Variants in ELMO1 observed in about 807,000 individuals in gnomAD.
The protein encoded by ELMO1 is engulfment and cell motility 1.
In ELMO1, 26 loss-of-function variants were observed where a neutral mutation model predicts 98.9. That is an observed-to-expected ratio of 0.26 (90% CI 0.19 to 0.36). The LOEUF (loss-of-function observed/expected upper bound fraction) is 0.36. Ranked by LOEUF, ELMO1 falls within the 10% of genes least tolerant of loss-of-function variation. The pLI is 1.00. For synonymous variants in ELMO1, 346 were observed against 346.0 expected (o/e 1.00, Z 0.00); for missense variants, 627 against 935.2 (o/e 0.67, Z 4.30).
intron 15 of ELMO1, among the ~76,000 whole-genome samples, chr7:37,038,306 C>A (rs1040793767): frequency 6.6e-6 from 1 of 152,174 alleles, no homozygotes; most frequent in Non-Finnish European, 1.5e-5. Context: ...CTGAACTCAG[C>A]CCCACCTTCA....
intron 16 of ELMO1, among the ~76,000 whole-genome samples, chr7:36,903,553 A>G (rs2129060509): frequency 6.6e-6 from 1 of 152,338 alleles, no homozygotes; most frequent in East Asian, 1.9e-4. Context: ...TGTATAATAC[A>G]ATTCACAGGA....
chr7:37,346,767 C>A (rs1291463760), intron 1 of ELMO1, among the ~76,000 whole-genome samples: 1 of 152,156 alleles, frequency 6.6e-6, no homozygotes, highest in Non-Finnish European at 1.5e-5. Context: ...ATTTTAAGTA[C>A]CTTGCCCCCA....
At chr7:37,325,764 G>A (rs1031154240) in intron 2 of ELMO1, among the ~76,000 whole-genome samples, 18 of 152,092 alleles carry the variant, frequency 1.2e-4, no homozygotes, top group Admixed American at 8.5e-4. Context: ...TATTAGTAAC[G>A]TTGGCCCAGG....
chr7:37,223,282 T>C (rs966062133), intron 9 of ELMO1, among the ~76,000 whole-genome samples: 2 of 152,116 alleles, frequency 1.3e-5, no homozygotes, highest in Admixed American at 1.3e-4. Flanking sequence ...TGGTAAACAG[T>C]AAATAAGGAG....
At chr7:37,438,875 A>G (rs771527261) in intron 1 of ELMO1, among the ~76,000 whole-genome samples, 1 of 152,154 alleles carries the variant, frequency 6.6e-6, no homozygotes, top group East Asian at 1.9e-4. Context: ...TTAAACCTCA[A>G]AGACTCCTTC....
At chr7:37,439,478 G>GT (rs1298435771) in intron 1 of ELMO1, among the ~76,000 whole-genome samples, 1 of 152,136 alleles carries the variant, frequency 6.6e-6, no homozygotes, top group Non-Finnish European at 1.5e-5. Flanking sequence ...AGATTTGCCT[G>GT]TTACAGCCCT....
At chr7:37,310,125 G>C (rs1798818138) in intron 4 of ELMO1, among the ~76,000 whole-genome samples, 1 of 152,212 alleles carries the variant, frequency 6.6e-6, no homozygotes, top group Non-Finnish European at 1.5e-5. Context: ...CCTTACCAAA[G>C]GTGCCTGGGG....
At chr7:36,910,354 A>C (rs1243644864) in intron 16 of ELMO1, among the ~76,000 whole-genome samples, 1 of 152,204 alleles carries the variant, frequency 6.6e-6, no homozygotes, top group Non-Finnish European at 1.5e-5. Flanking sequence ...CATGTGATTC[A>C]AAGGAGGAAA....
chr7:36,993,695 C>T (rs1792013947), intron 16 of ELMO1, among the ~76,000 whole-genome samples: 1 of 152,112 alleles, frequency 6.6e-6, no homozygotes, highest in South Asian at 2.1e-4. Context: ...CTTGAAGCTA[C>T]TAATTGCAGA....
intron 17 of ELMO1, among the ~76,000 whole-genome samples, chr7:36,890,063 A>G (rs1805421837): frequency 6.6e-6 from 1 of 152,196 alleles, no homozygotes; most frequent in Non-Finnish European, 1.5e-5. Flanking sequence ...CCTCTGGGGT[A>G]AGCCAGGTAA....
chr7:37,337,420 A>G (rs1012428830), intron 2 of ELMO1, among the ~76,000 whole-genome samples: 1 of 152,132 alleles, frequency 6.6e-6, no homozygotes, highest in African/African-American at 2.4e-5. Flanking sequence ...CGATATACCT[A>G]ATGTTAAATG....
intron 1 of ELMO1, among the ~76,000 whole-genome samples, chr7:37,418,419 G>T (rs1804323674): frequency 6.6e-6 from 1 of 152,142 alleles, no homozygotes; most frequent in Non-Finnish European, 1.5e-5. Context: ...CAAGCAGTTA[G>T]CAACTTCAAA....
At chr7:36,952,347 T>TG (rs1295097841) in intron 16 of ELMO1, among the ~76,000 whole-genome samples, 1 of 151,738 alleles carries the variant, frequency 6.6e-6, no homozygotes, top group Non-Finnish European at 1.5e-5. Context: ...CCACGGGAGG[T>TG]GGGAGAGAGA....
intron 1 of ELMO1, among the ~76,000 whole-genome samples, chr7:37,428,665 C>T (rs918425123): frequency 6.6e-6 from 1 of 152,242 alleles, no homozygotes; most frequent in African/African-American, 2.4e-5. Context: ...AAAGACCCAA[C>T]AGATGAAAGA....
chr7:36,988,230 G>A lies in ELMO1; in HGVS notation c.1437+25069C>T, dbSNP rs1375637868. Among the ~76,000 whole-genome samples the A allele has an allele frequency of 2.0e-5, 3 of 152,126 alleles. No individual in the cohort carries two copies. The East Asian group carries it at 5.8e-4, about 29-fold the overall frequency. ...CCAGACAACATTCACCCTCAGGGTG[G>A]TGGATGGCTCAGGTTTTCTCTACCA... On this transcript the variant is annotated intron_variant, in intron 16 of 21. Coordinates refer to ENST00000310758, the MANE Select transcript of ELMO1 (RefSeq NM_014800.11).
Position 36,870,465 on chromosome 7 carries a change from T to C in ELMO1, c.1833A>G (p.Ala611=). 6.2e-7 allele frequency: 1 copy of C among 1,613,872 alleles called. No individual in the cohort carries two copies. The highest frequency in any genetic ancestry group is 1.3e-5 in the African/African-American group (1 of 75,016). The change falls in exon 20 of 22, where the codon GCA becomes GCG. Residue 611 remains alanine, a synonymous_variant. Coordinates refer to ENST00000310758, the MANE Select transcript of ELMO1 (RefSeq NM_014800.11). This position sits in a 1 kb window ranked among gnomAD's most constrained non-coding sequence, Gnocchi z 4.4. The part of the protein sequence containing the change: ...HDSLQDKLPV[A]DIKAVVTGKD... ...TTCCCGTCACCACGGCTTTGATATC[T>C]GCCACCGGCACTGCAATTCATAAAA...
intron 18 of ELMO1, among the ~76,000 whole-genome samples, chr7:36,884,013 C>T (rs923178739): frequency 6.6e-6 from 1 of 152,116 alleles, no homozygotes; most frequent in African/African-American, 2.4e-5. Context: ...TGCTACTCCA[C>T]CTCCTGTGCT....
At chr7:37,029,039 T>G (rs1487160553) in intron 15 of ELMO1, among the ~76,000 whole-genome samples, 3 of 151,940 alleles carry the variant, frequency 2.0e-5, no homozygotes, top group Non-Finnish European at 4.4e-5. Context: ...GTGAGAAAAA[T>G]GAGTCACAGA....
intron 13 of ELMO1, among the ~76,000 whole-genome samples, chr7:37,138,138 C>T (rs961114400): frequency 1.3e-5 from 2 of 151,530 alleles, no homozygotes; most frequent in Non-Finnish European, 3.0e-5. Flanking sequence ...TGAAAGAGCA[C>T]AAACATGGAC....
Sources: gnomAD v4.1 joint callset for allele counts (sites outside exome capture counted in the v4.1 genomes callset) on GRCh38, gnomAD v4.1.1 for gene constraint, Gnocchi (gnomAD v3.1) non-coding constraint, MANE v1.5 for transcripts, NCBI Gene and HGNC (gene_info 2026-07-23, HGNC 2026-07-21) for gene names.